NDUFAF7: variants seen among roughly 807,000 people sequenced by gnomAD.
NDUFAF7 encodes the protein protein arginine methyltransferase NDUFAF7, mitochondrial.
A neutral mutation model predicts 47.2 loss-of-function variants in NDUFAF7; 48 were observed. The observed-to-expected ratio is 1.02, with a 90% CI of 0.81 to 1.29. The LOEUF is 1.29. Among genes scored for constraint, NDUFAF7 ranks in the 50% most tolerant of loss-of-function variants. The pLI is 0.00. For missense variants in NDUFAF7, 635 were observed against 537.6 expected, an observed-to-expected ratio of 1.18 and a Z score of -1.79; for synonymous variants, 217 against 190.0, an observed-to-expected ratio of 1.14 and a Z score of -1.17.
chr2:37,253,176 A>C (rs1226864293), downstream of NDUFAF7: 2 of 1,599,050 alleles, frequency 1.3e-6, no homozygotes, highest in African/African-American at 2.7e-5. Context: ...TAGCTCAGTG[A>C]TTAAGGATCT....
At chr2:37,256,538 A>G (rs1667954153), downstream of NDUFAF7, 4 of 1,235,106 alleles carry the variant, frequency 3.2e-6, no homozygotes, top group Non-Finnish European at 4.3e-6. Context: ...AATTTGGAAG[A>G]TGAATGGGAG....
chr2:37,265,059 A>G, the NDUFAF7 span, among the ~76,000 whole-genome samples: 7 of 152,334 alleles, frequency 4.6e-5, no homozygotes, highest in Admixed American at 1.3e-4. Context: ...GGCATGGGAA[A>G]GAAAAGCTAT....
chr2:37,255,129 A>T (rs1558519903), downstream of NDUFAF7, among the ~76,000 whole-genome samples: 1 of 152,242 alleles, frequency 6.6e-6, no homozygotes, highest in Non-Finnish European at 1.5e-5. Context: ...TCTACAGAAC[A>T]CACTGCCTCA....
In NDUFAF7 at chr2:37,248,384, C is replaced by A. The variant is rs905107703; in HGVS notation, c.*34C>A. 1 of 1,572,638 alleles carries A rather than the reference C, an allele frequency of 6.4e-7. No individual in the cohort carries two copies. The highest frequency in any genetic ancestry group is 2.2e-5 in the East Asian group (1 of 44,666). On this transcript the variant is annotated 3_prime_UTR_variant, in exon 10 of 10. Coordinates refer to ENST00000002125, the MANE Select transcript of NDUFAF7 (RefSeq NM_144736.5). ...CTTGGACATTTTACCCTTCAGTCGG[C>A]CCAAGAAATCAAAATAAAGGAAACA... is the stretch of plus-strand genomic sequence containing the variant.
downstream of NDUFAF7, chr2:37,253,178 T>A: frequency 6.3e-7 from 1 of 1,599,984 alleles, no homozygotes; most frequent in Non-Finnish European, 8.5e-7. Flanking sequence ...GCTCAGTGAT[T>A]AAGGATCTTC....
chr2:37,267,078 A>G, the NDUFAF7 span, among the ~76,000 whole-genome samples: 1 of 152,202 alleles, frequency 6.6e-6, no homozygotes, highest in Non-Finnish European at 1.5e-5. Flanking sequence ...GTTAAAAGGT[A>G]CATAATTTTA....
intron 2 of NDUFAF7, 79 bp downstream of exon 2, chr2:37,232,345 G>T (rs1455711995): frequency 7.6e-6 from 12 of 1,575,804 alleles, no homozygotes; most frequent in Admixed American, 3.3e-5. Context: ...AAGCCCGAAG[G>T]TTCTCAGCCC....
At chr2:37,246,324 G>A in intron 8 of NDUFAF7, 129 bp downstream of exon 8, 1 of 1,120,104 alleles carries the variant, frequency 8.9e-7, no homozygotes, top group Non-Finnish European at 1.3e-6. Flanking sequence ...ATTAATTCAT[G>A]TTATTGTAAT....
chr2:37,267,407 AG>A, the NDUFAF7 span: 1 of 1,453,712 alleles, frequency 6.9e-7, no homozygotes, highest in Non-Finnish European at 9.5e-7. Flanking sequence ...TTAATAAACC[AG>A]TTTTTTATTT....
chr2:37,269,037 A>G, the NDUFAF7 span: 1 of 153,766 alleles, frequency 6.5e-6, no homozygotes, highest in Non-Finnish European at 1.4e-5. Context: ...CAAGGGTTTA[A>G]CATTTCTTTC....
Position 37,247,447 on chromosome 2 carries a change from A to G in NDUFAF7, c.937-9A>G, listed in dbSNP as rs775170157. On this transcript the variant is annotated splice_polypyrimidine_tract_variant and intron_variant, in intron 8 of 9. Transcript: ENST00000002125. Reference sequence around the variant, plus strand: ...AAAAGGGCAAAAATCTGATTTCTTTATGTTCAAGGGGTTTTGCGACCACAA... The same window carrying G: ...AAAAGGGCAAAAATCTGATTTCTTTGTGTTCAAGGGGTTTTGCGACCACAA... 6.2e-7 allele frequency: 1 copy of G among 1,613,896 alleles called. No individual in the cohort carries two copies. Among genetic ancestry groups the G allele is most frequent in the Non-Finnish European group, 8.5e-7 (1 of 1,179,856 alleles).
the NDUFAF7 span, chr2:37,259,748 G>A: frequency 9.9e-6 from 11 of 1,107,218 alleles, no homozygotes; most frequent in Middle Eastern, 2.0e-4. Flanking sequence ...GTGACTCCTT[G>A]AATGATTTAA....
chr2:37,249,643 GACACACACAC>G (rs56208997), downstream of NDUFAF7, among the ~76,000 whole-genome samples: 341 of 132,438 alleles, frequency 2.6e-3, 4 homozygotes, highest in Non-Finnish European at 1.9e-3. Context: ...CTGTGATAGA[GACACACACAC>G]ACACACACAC....
At position 37,248,158 on chromosome 2, in the gene NDUFAF7, G is replaced by C. The variant is rs1667120652; in HGVS notation, c.1134G>C (p.Glu378Asp). The change falls in exon 10 of 10, where the codon GAG (glutamate) becomes GAC (aspartate). Residue 378 changes from glutamate (E) to aspartate (D), a missense_variant. By Grantham distance (45) the Glu-to-Asp change is conservative (BLOSUM62 2). Coordinates refer to ENST00000002125, the MANE Select transcript of NDUFAF7 (RefSeq NM_144736.5). ...RLKVLLDKSNEPSVRQQLLQG... is the reference protein window; with the variant it reads ...RLKVLLDKSNDPSVRQQLLQG... Reference sequence around the variant, plus strand: ...AGGTTCTTTTAGATAAATCAAATGAGCCATCAGTGAGGCAGCAGTTACTTC... The same window carrying C: ...AGGTTCTTTTAGATAAATCAAATGACCCATCAGTGAGGCAGCAGTTACTTC... The C allele has an allele frequency of 6.2e-6, 10 of 1,613,676 alleles. No individual in the cohort carries two copies. Among genetic ancestry groups the C allele is most frequent in the African/African-American group, 1.3e-5 (1 of 75,020 alleles).
Position 37,241,664 on chromosome 2 carries a change from A to G in NDUFAF7, c.495A>G (p.Gln165=). 6.2e-7 allele frequency: 1 copy of G among 1,614,072 alleles called. No homozygotes were observed. The highest frequency in any genetic ancestry group is 8.5e-7 in the Non-Finnish European group (1 of 1,180,000). Residue 165 remains glutamine (Q), a synonymous_variant, in exon 5 of 10, where the codon CAA becomes CAG. Coordinates refer to ENST00000002125, the MANE Select transcript of NDUFAF7 (RefSeq NM_144736.5). The part of the protein sequence containing the change: ...VEVSQKLSEI[Q]ALTLTKEKVP... ...TAAGCCAAAAATTAAGTGAGATTCA[A>G]GCATTGACACTGACTAAAGAGAAGG...
At position 37,232,176 on chromosome 2, in the gene NDUFAF7, G is replaced by T. The variant is rs1474287637; in HGVS notation, c.126G>T (p.Pro42=). 1 of 1,614,182 alleles carries T rather than the reference G, an allele frequency of 6.2e-7. No individual in the cohort carries two copies. The highest frequency in any genetic ancestry group is 8.5e-7 in the Non-Finnish European group (1 of 1,180,032). ...AGCCTGCAGAAAACCCGGTGACGCCGATGCTGCGGCATCTTATGTACAAAA... is the reference window on the plus strand; with the variant it reads ...AGCCTGCAGAAAACCCGGTGACGCCTATGCTGCGGCATCTTATGTACAAAA... ...GNEPAENPVT[P]MLRHLMYKIK... The change falls in exon 2 of 10, where the codon CCG becomes CCT. Residue 42 remains proline (P), a synonymous_variant. Transcript: ENST00000002125.
chr2:37,248,342 T>C lies in NDUFAF7; in HGVS notation c.1318T>C (p.Trp440Arg). ...SVVAGFSELAWQ is the reference protein window; with the variant it reads ...SVVAGFSELARQ ...TGTAGCTGGGTTTAGTGAACTTGCT[T>C]GGCAGTGATATTTCAGCTTGGACAT... Residue 440 changes from tryptophan to arginine, a missense_variant, in exon 10 of 10, where the codon TGG (tryptophan) becomes CGG (arginine). Trp to Arg is a moderately radical substitution (Grantham distance 101). Coordinates refer to ENST00000002125, the MANE Select transcript of NDUFAF7 (RefSeq NM_144736.5). 2 of 1,613,634 alleles carry C rather than the reference T, an allele frequency of 1.2e-6. No individual in the cohort carries two copies. The highest frequency in any genetic ancestry group is 1.7e-6 in the Non-Finnish European group (2 of 1,179,524).
At chr2:37,235,124 G>C (rs1390284092) in intron 2 of NDUFAF7, among the ~76,000 whole-genome samples, 1 of 152,126 alleles carries the variant, frequency 6.6e-6, no homozygotes, top group African/African-American at 2.4e-5. Flanking sequence ...CCTTAGGTTG[G>C]AGGGCTGGAG....
intron 3 of NDUFAF7, 145 bp from the exon 4 acceptor site, chr2:37,237,612 G>A: frequency 1.5e-6 from 1 of 655,350 alleles, no homozygotes; most frequent in Non-Finnish European, 2.7e-6. Context: ...ATGTGAACAT[G>A]TACGTATGTA....
Sources: gnomAD v4.1 joint callset for allele counts (sites outside exome capture counted in the v4.1 genomes callset) on GRCh38, gnomAD v4.1.1 for gene constraint, MANE v1.5 for transcripts, NCBI Gene and HGNC (gene_info 2026-07-23, HGNC 2026-07-21) for gene names.